The following RIOK3 variants were observed in gnomAD, a reference collection of about 807,000 sequenced individuals.
RIOK3 encodes the protein RIO kinase 3.
RIOK3 carries 40 observed loss-of-function variants against 63.5 expected under a neutral mutation model. The ratio of observed to expected loss-of-function variants is 0.63; its 90% CI spans 0.49 to 0.82. The LOEUF is 0.82. RIOK3 is among the 40% of genes least tolerant of loss of function. RIOK3 has a pLI of 0.00. For synonymous variants in RIOK3, 193 were observed against 205.0 expected, an observed-to-expected ratio of 0.94 and a Z score of 0.50; for missense variants, 557 against 637.0, an observed-to-expected ratio of 0.87 and a Z score of 1.35.
Position 23,482,482 on chromosome 18 carries a change from C to T in RIOK3, c.*1203C>T, listed in dbSNP as rs1479815068. The T allele has an allele frequency of 6.6e-6, 1 of 150,490 alleles. No individual in the cohort carries two copies. The highest frequency in any genetic ancestry group is 2.0e-4 in the East Asian group (1 of 5,120). 9.3% of individuals were successfully genotyped at this position (150,490 alleles called of 1,614,324 possible). ...CTGAGATCATGCCACTGCACTCCGG[C>T]CTAGGTGACAGAGGGAAACTCCATC... On this transcript the variant is annotated 3_prime_UTR_variant, in exon 13 of 13. Coordinates refer to ENST00000339486, the MANE Select transcript of RIOK3 (RefSeq NM_003831.5).
rs918775446 is a variant in RIOK3, at chr18:23,481,943, A to T, written c.*664A>T. ...AGGTTTCTGAAAGAGATAACTATAT[A>T]ACAGCTTTTTAACTATCCAGTCAAC... is the stretch of plus-strand genomic sequence containing the variant. On this transcript the variant is annotated 3_prime_UTR_variant, in exon 13 of 13. Transcript: ENST00000339486. The T allele has an allele frequency of 6.6e-6, 1 of 152,244 alleles. No individual in the cohort carries two copies. Among genetic ancestry groups the T allele is most frequent in the Non-Finnish European group, 1.5e-5 (1 of 68,048 alleles). 9.4% of individuals were successfully genotyped at this position (152,244 alleles called of 1,614,324 possible).
chr18:23,477,006 T>A lies in RIOK3; in HGVS notation c.1174T>A (p.Leu392Met). Residue 392 changes from leucine (L) to methionine (M), a missense_variant and splice_region_variant, in exon 10 of 13, where the codon TTG becomes ATG. Transcript: ENST00000339486. ...MKEAYYQTLH[L>M]MRQLYHECTL... Reference sequence around the variant, plus strand: ...TAATGTGTGCCTTCCCTCTTCACAGTTGATGCGGCAGTTATATCATGAATG... The same window carrying A: ...TAATGTGTGCCTTCCCTCTTCACAGATGATGCGGCAGTTATATCATGAATG... The A allele has an allele frequency of 6.2e-7, 1 of 1,612,356 alleles. No individual in the cohort carries two copies.
At chr18:23,464,692 G>A in intron 5 of RIOK3, 64 bp downstream of exon 5, 1 of 926,500 alleles carries the variant, frequency 1.1e-6, no homozygotes, top group Non-Finnish European at 1.6e-6. Context: ...TCAAAAACAG[G>A]ATTCTAAATA....
rs1340313198 is a variant in RIOK3, at chr18:23,467,522, G to C, written c.811G>C (p.Gly271Arg). ...KESVVFHAYG[G>R]SMEDEKEDSK... Reference sequence around the variant, plus strand: ...GTCTGTTGTCTTTCATGCATATGGAGGGAGGTAAATGAGCAAAATATGATA... The same window carrying C: ...GTCTGTTGTCTTTCATGCATATGGACGGAGGTAAATGAGCAAAATATGATA... The change falls in exon 7 of 13, where the codon GGG becomes CGG. Residue 271 changes from glycine to arginine, a missense_variant. By Grantham distance (125) the Gly-to-Arg change is moderately radical (BLOSUM62 -2). Transcript: ENST00000339486. 8 of 1,612,572 alleles carry C rather than the reference G, an allele frequency of 5.0e-6. No homozygotes were observed. The highest frequency in any genetic ancestry group is 1.3e-5 in the African/African-American group (1 of 74,876).
intron 1 of RIOK3, among the ~76,000 whole-genome samples, chr18:23,453,962 A>G (rs1193712368): frequency 2.0e-5 from 3 of 152,250 alleles, no homozygotes; most frequent in Non-Finnish European, 4.4e-5. Context: ...TTGAAGCAGT[A>G]AAAGATAAAA....
chr18:23,468,881 G>T (rs921922772), intron 7 of RIOK3, among the ~76,000 whole-genome samples: 14 of 152,164 alleles, frequency 9.2e-5, no homozygotes, highest in African/African-American at 3.4e-4. Flanking sequence ...GGTTTCACAA[G>T]CCTGCAGTCT....
intron 2 of RIOK3, among the ~76,000 whole-genome samples, chr18:23,463,486 C>G (rs2057385432): frequency 6.7e-6 from 1 of 149,454 alleles, no homozygotes; most frequent in Non-Finnish European, 1.5e-5. Context: ...CTCGGCTCGG[C>G]ACAACCTCCG....
chr18:23,477,298 T>A lies in RIOK3; in HGVS notation c.1344+30T>A, dbSNP rs1408539323. ...ACGTGTAAACCAATATGCCTTTTTT[T>A]GTTGGATGTAACAGCTGCAGGTATT... On this transcript the variant is annotated intron_variant, in intron 11 of 12. Coordinates refer to ENST00000339486, the MANE Select transcript of RIOK3 (RefSeq NM_003831.5). 5.2e-6 allele frequency: 8 copies of A among 1,532,456 alleles called. No homozygotes were observed. The African/African-American group carries it at 9.5e-5, about 18-fold the overall frequency. 94.9% of individuals were successfully genotyped at this position (1,532,456 alleles called of 1,614,324 possible). A position where few individuals can be genotyped will look rare whatever the true frequency, so the allele number is the denominator to read the frequency against.
intron 7 of RIOK3, among the ~76,000 whole-genome samples, chr18:23,469,404 C>T (rs1316180064): frequency 1.3e-4 from 11 of 87,114 alleles, no homozygotes; most frequent in South Asian, 4.9e-4. Flanking sequence ...TCCTCTCTCC[C>T]CTCTCTCCTC....
intron 7 of RIOK3, among the ~76,000 whole-genome samples, chr18:23,472,965 T>A (rs1253680366): frequency 6.6e-6 from 1 of 152,240 alleles, no homozygotes; most frequent in Non-Finnish European, 1.5e-5. Context: ...ATTCATGTAC[T>A]TCTTTTATTC....
rs1453545967 is a variant in RIOK3, at chr18:23,453,424, C to G, written c.-16C>G. ...CCACCTCTCTGCTCTGTTCTTGTCT[C>G]TGCCTTCATTCCCGAATGGATCTGG... is the stretch of plus-strand genomic sequence containing the variant. On this transcript the variant is annotated 5_prime_UTR_variant, in exon 1 of 13. Transcript: ENST00000339486. The G allele has an allele frequency of 1.2e-6, 2 of 1,611,092 alleles. No individual in the cohort carries two copies. The highest frequency in any genetic ancestry group is 1.7e-6 in the Non-Finnish European group (2 of 1,177,470).
Position 23,482,032 on chromosome 18 carries a change from T to C in RIOK3, c.*753T>C, listed in dbSNP as rs1000133621. 6.6e-6 allele frequency: 1 copy of C among 152,212 alleles called. No individual in the cohort carries two copies. The highest frequency in any genetic ancestry group is 1.5e-5 in the Non-Finnish European group (1 of 68,038). 9.4% of individuals were successfully genotyped at this position (152,212 alleles called of 1,614,324 possible). On this transcript the variant is annotated 3_prime_UTR_variant, in exon 13 of 13. Transcript: ENST00000339486. ...TAACTCATGGTGTGGCTAATCTACA[T>C]TTATCAATAAAATGTAAATTATCTG...
intron 1 of RIOK3, among the ~76,000 whole-genome samples, chr18:23,459,242 G>A (rs1437207436): frequency 6.6e-6 from 1 of 152,196 alleles, no homozygotes; most frequent in African/African-American, 2.4e-5. Context: ...AACCTCAGAA[G>A]CGGGCAGGCA....
chr18:23,466,354 A>C, intron 6 of RIOK3, 78 bp downstream of exon 6: 1 of 1,178,794 alleles, frequency 8.5e-7, no homozygotes, highest in Non-Finnish European at 1.2e-6. Flanking sequence ...AGAAAAAAAA[A>C]CTTCATGTTT....
At chr18:23,467,765 T>C (rs2057419611) in intron 7 of RIOK3, among the ~76,000 whole-genome samples, 1 of 98,524 alleles carries the variant, frequency 1.0e-5, no homozygotes, top group South Asian at 3.0e-4. Context: ...TCAATGCGTA[T>C]ATTATTATTA....
chr18:23,477,238 C>T lies in RIOK3; in HGVS notation c.1314C>T (p.Phe438=). ...VEPTHPHGLE[F]LFRDCRNVSQ... is the part of the protein sequence containing the mutation. ...CTACCCACCCTCACGGCCTGGAGTT[C>T]TTGTTCCGGGACTGCAGGAATGTCT... is the stretch of plus-strand genomic sequence containing the variant. Residue 438 remains phenylalanine (F), a synonymous_variant, in exon 11 of 13, where the codon TTC becomes TTT. Coordinates refer to ENST00000339486, the MANE Select transcript of RIOK3 (RefSeq NM_003831.5). 6.2e-7 allele frequency: 1 copy of T among 1,614,150 alleles called. No individual in the cohort carries two copies. The highest frequency in any genetic ancestry group is 8.5e-7 in the Non-Finnish European group (1 of 1,179,992).
At chr18:23,471,164 T>C (rs1400791812) in intron 7 of RIOK3, among the ~76,000 whole-genome samples, 1 of 152,132 alleles carries the variant, frequency 6.6e-6, no homozygotes, top group Non-Finnish European at 1.5e-5. Flanking sequence ...ATCAGATATA[T>C]GCTATGCAGA....
chr18:23,453,557 C>T (rs1489759228), intron 1 of RIOK3, 55 bp downstream of exon 1: 8 of 1,425,336 alleles, frequency 5.6e-6, no homozygotes, highest in East Asian at 2.3e-5. Flanking sequence ...CTGGATCTCT[C>T]GGAAAGCTCG....
At chr18:23,466,368 A>G (rs2057408053) in intron 6 of RIOK3, 92 bp downstream of exon 6, 1 of 1,056,250 alleles carries the variant, frequency 9.5e-7, no homozygotes, top group Admixed American at 3.1e-5. Context: ...CATGTTTGAT[A>G]TTTTTTCATG....
Sources: gnomAD v4.1 joint callset for allele counts (sites outside exome capture counted in the v4.1 genomes callset) on GRCh38, gnomAD v4.1.1 for gene constraint, MANE v1.5 for transcripts, NCBI Gene and HGNC (gene_info 2026-07-23, HGNC 2026-07-21) for gene names.